TNRC6C: variants seen among roughly 807,000 people sequenced by gnomAD.
TNRC6C encodes the protein trinucleotide repeat-containing gene 6C protein.
A neutral mutation model predicts 153.7 loss-of-function variants in TNRC6C; 20 were observed. The observed-to-expected ratio is 0.13, with a 90% CI of 0.09 to 0.19. The LOEUF (loss-of-function observed/expected upper bound fraction) is 0.19, where lower values mean the gene tolerates loss of function less well. TNRC6C is among the 10% of genes least tolerant of loss of function. TNRC6C has a pLI of 1.00. For missense variants in TNRC6C, 1,987 were observed against 2,172.0 expected (o/e 0.91, Z 1.69); for synonymous variants, 811 against 841.4 (o/e 0.96, Z 0.63).
At chr17:78,108,131 C>T (rs1013266189) in exon 20 of TNRC6C, 1 of 152,256 alleles carries the variant, frequency 6.6e-6, no homozygotes, top group Admixed American at 6.5e-5. Context: ...CCAGCGGCCC[C>T]TCAAACTAAG....
chr17:78,006,913 C>T (rs559266819), intron 1 of TNRC6C, among the ~76,000 whole-genome samples: 5 of 151,560 alleles, frequency 3.3e-5, no homozygotes, highest in Middle Eastern at 3.4e-3. Context: ...ACTGCAACCT[C>T]CACCCCTCAG....
intron 1 of TNRC6C, among the ~76,000 whole-genome samples, chr17:77,976,243 G>T (rs1191293685): frequency 6.6e-6 from 1 of 151,866 alleles, no homozygotes; most frequent in African/African-American, 2.4e-5. Context: ...TTTCAAAGAA[G>T]TGAGTCAAAT....
chr17:78,084,621 CTTTT>C (rs888498648), intron 11 of TNRC6C, among the ~76,000 whole-genome samples: 2 of 134,186 alleles, frequency 1.5e-5, no homozygotes. Context: ...TTTTCTTTTT[CTTTT>C]TTTTTTTTTT....
chr17:77,977,460 G>A (rs996794434), intron 1 of TNRC6C, among the ~76,000 whole-genome samples: 4 of 152,124 alleles, frequency 2.6e-5, no homozygotes, highest in South Asian at 4.1e-4. Flanking sequence ...CCTTGTCTCC[G>A]AAGTGGTAGA....
intron 18 of TNRC6C, chr17:78,102,787 G>C: frequency 2.0e-6 from 1 of 505,618 alleles, no homozygotes; most frequent in South Asian, 2.7e-5. Flanking sequence ...CCCACCAGAG[G>C]CTGGAAAAGT....
At chr17:78,094,041 A>G (rs1047874844) in intron 16 of TNRC6C, among the ~76,000 whole-genome samples, 1 of 149,732 alleles carries the variant, frequency 6.7e-6, no homozygotes, top group African/African-American at 2.5e-5. Context: ...GTGCAGTGGC[A>G]TGATCTCAGC....
At chr17:78,037,831 G>C (rs984245309) in intron 2 of TNRC6C, among the ~76,000 whole-genome samples, 1 of 152,176 alleles carries the variant, frequency 6.6e-6, no homozygotes, top group African/African-American at 2.4e-5. Context: ...ACTTCATCTA[G>C]AAGAGCGAAT....
intron 1 of TNRC6C, chr17:78,008,320 T>C (rs913366117): frequency 6.6e-6 from 1 of 152,254 alleles, no homozygotes; most frequent in Non-Finnish European, 1.5e-5. Context: ...ATTTTGTTCC[T>C]GGCTATCTTT....
chr17:78,008,411 T>C (rs944774439), intron 1 of TNRC6C: 4 of 152,272 alleles, frequency 2.6e-5, no homozygotes, highest in Admixed American at 2.0e-4. Flanking sequence ...TGAAACACTA[T>C]GCTGCCAACA....
intron 2 of TNRC6C, among the ~76,000 whole-genome samples, chr17:78,045,300 C>T (rs1040911755): frequency 3.9e-5 from 6 of 152,162 alleles, no homozygotes; most frequent in Non-Finnish European, 5.9e-5. Flanking sequence ...AATATGTAAA[C>T]TCAACAGGCA....
intron 1 of TNRC6C, among the ~76,000 whole-genome samples, chr17:77,992,016 C>T (rs1014120464): frequency 6.6e-6 from 1 of 152,110 alleles, no homozygotes; most frequent in Non-Finnish European, 1.5e-5. Flanking sequence ...TCAACAAGAT[C>T]GATTTGAGGA....
exon 17 of TNRC6C, chr17:78,098,384 A>G (rs377695517): frequency 2.5e-5 from 40 of 1,613,438 alleles, no homozygotes; most frequent in African/African-American, 1.1e-4. Context: ...CTCTGGCCCT[A>G]CCTCCCACAC....
chr17:77,972,035 G>T (rs1479216284), intron 1 of TNRC6C, among the ~76,000 whole-genome samples: 1 of 151,810 alleles, frequency 6.6e-6, no homozygotes, highest in Non-Finnish European at 1.5e-5. Context: ...AAACTAAACC[G>T]ATGGCAAACA....
At chr17:77,990,651 G>A (rs912406338) in intron 1 of TNRC6C, among the ~76,000 whole-genome samples, 3 of 152,090 alleles carry the variant, frequency 2.0e-5, no homozygotes, top group Admixed American at 2.0e-4. Context: ...CTTCTTATTA[G>A]CATGCTGTAA....
chr17:78,063,381 C>T (rs1243676960), intron 3 of TNRC6C, among the ~76,000 whole-genome samples: 1 of 151,754 alleles, frequency 6.6e-6, no homozygotes, highest in East Asian at 1.9e-4. Flanking sequence ...TGTTGAGGAG[C>T]AGGCTGAGGA....
chr17:77,996,550 A>G (rs1375776547), intron 1 of TNRC6C, among the ~76,000 whole-genome samples: 1 of 152,082 alleles, frequency 6.6e-6, no homozygotes, highest in Admixed American at 6.6e-5. Flanking sequence ...TCTCATGCTC[A>G]CCCCTTGGTC....
upstream of TNRC6C, among the ~76,000 whole-genome samples, chr17:78,004,617 A>T (rs1277753240): frequency 6.7e-6 from 1 of 149,816 alleles, no homozygotes; most frequent in Non-Finnish European, 1.5e-5. Context: ...AGCTAGAAAT[A>T]TTTTTTTTTT....
At chr17:77,988,812 C>G (rs1417041926) in intron 1 of TNRC6C, among the ~76,000 whole-genome samples, 1 of 152,126 alleles carries the variant, frequency 6.6e-6, no homozygotes, top group African/African-American at 2.4e-5. Context: ...ACTTTGTGTA[C>G]TTTTACCTGA....
rs780481218 is a variant in TNRC6C, at chr17:78,104,402, T to C, written c.4713-83T>C. The C allele has an allele frequency of 5.6e-5, 79 of 1,412,144 alleles. No homozygotes were observed. Among genetic ancestry groups the C allele is most frequent in the Non-Finnish European group, 6.9e-5 (75 of 1,081,762 alleles). 87.5% of individuals were successfully genotyped at this position (1,412,144 alleles called of 1,614,324 possible). A position where few individuals can be genotyped will look rare whatever the true frequency, so the allele number is the denominator to read the frequency against. On this transcript the variant is annotated intron_variant, in intron 19 of 19. Transcript: ENST00000301624. The surrounding 1 kb of genome is among the most constrained non-coding windows in gnomAD (Gnocchi z 6.2). ...ACAGGATGGCTTCCATGTGGGGCCG[T>C]TCCCAATACAGAGAAAGCCAGTGCC...
Sources: gnomAD v4.1 joint callset for allele counts (sites outside exome capture counted in the v4.1 genomes callset) on GRCh38, gnomAD v4.1.1 for gene constraint, Gnocchi (gnomAD v3.1) non-coding constraint, MANE v1.5 for transcripts, NCBI Gene and HGNC (gene_info 2026-07-23, HGNC 2026-07-21) for gene names.